The following IGF1R variants were observed in gnomAD, a reference collection of about 807,000 sequenced individuals.
IGF1R encodes insulin-like growth factor 1 receptor.
In IGF1R, 44 loss-of-function variants were observed where a neutral mutation model predicts 144.6. The ratio of observed to expected loss-of-function variants is 0.30; its 90% CI spans 0.24 to 0.39. The LOEUF is 0.39. Ranked by LOEUF, IGF1R falls within the 10% of genes least tolerant of loss-of-function variation. The pLI is 1.00. For synonymous variants in IGF1R, 795 were observed against 722.8 expected (o/e 1.10, Z -1.60); for missense variants, 1,355 against 1,833.7 (o/e 0.74, Z 4.77).
rs2017243455 is a variant in IGF1R at position 98,961,934 on chromosome 15, C to T, written c.*4492C>T. On this transcript the variant is annotated 3_prime_UTR_variant, in exon 21 of 21. Coordinates refer to ENST00000650285, the MANE Select transcript of IGF1R (RefSeq NM_000875.5). ...GCTTCGTAAAATAGAAGAGCAGTCA[C>T]TGTGGAACTACCAAATGGCGAGATG... The T allele has an allele frequency of 4.3e-6, 1 of 233,350 alleles. No individual in the cohort carries two copies. The highest frequency in any genetic ancestry group is 8.5e-6 in the Non-Finnish European group (1 of 118,062). 14.5% of individuals were successfully genotyped at this position (233,350 alleles called of 1,614,324 possible). A position where few individuals can be genotyped will look rare whatever the true frequency, so the allele number is the denominator to read the frequency against.
intron 2 of IGF1R, among the ~76,000 whole-genome samples, chr15:98,818,832 T>C (rs1032386957): frequency 1.3e-5 from 2 of 150,884 alleles, no homozygotes; most frequent in Non-Finnish European, 2.9e-5. Flanking sequence ...ACCAAAATTG[T>C]ACCCTGTTGA....
chr15:98,825,932 G>T (rs543870455), intron 2 of IGF1R, among the ~76,000 whole-genome samples: 2 of 152,242 alleles, frequency 1.3e-5, no homozygotes, highest in East Asian at 3.9e-4. Context: ...TGTGAATGTT[G>T]GGCAGATCCT....
intron 3 of IGF1R, among the ~76,000 whole-genome samples, chr15:98,892,907 C>T (rs2013999448): frequency 1.3e-5 from 2 of 152,144 alleles, no homozygotes; most frequent in African/African-American, 4.8e-5. Context: ...GTCTCAGCTC[C>T]TTGGGAGTTG....
chr15:98,784,657 G>A (rs186664924), intron 2 of IGF1R, among the ~76,000 whole-genome samples: 84 of 152,098 alleles, frequency 5.5e-4, no homozygotes, highest in African/African-American at 1.9e-3. Context: ...GTCTCCTTCA[G>A]TTCTACATCT....
chr15:98,904,205 C>G (rs1019799140), intron 5 of IGF1R, among the ~76,000 whole-genome samples: 2 of 152,088 alleles, frequency 1.3e-5, no homozygotes, highest in African/African-American at 4.8e-5. Flanking sequence ...GCGCTCACCA[C>G]CACGCCCGAC....
intron 6 of IGF1R, among the ~76,000 whole-genome samples, chr15:98,910,272 C>T (rs1277802769): frequency 6.6e-6 from 1 of 152,168 alleles, no homozygotes; most frequent in African/African-American, 2.4e-5. Context: ...CGGATGTATC[C>T]GAGTATTTCA....
At chr15:98,860,889 C>T (rs1596368720) in intron 2 of IGF1R, among the ~76,000 whole-genome samples, 2 of 152,270 alleles carry the variant, frequency 1.3e-5, no homozygotes, top group South Asian at 4.1e-4. Context: ...AGTAAATAGG[C>T]AGTAAGTGAA....
At position 98,895,020 on chromosome 15, in the gene IGF1R, C is replaced by CAAAAAA. The variant is rs368393677; in HGVS notation, c.954-1727_954-1722dup. Among the ~76,000 whole-genome samples, 3 of 112,520 alleles carry CAAAAAA rather than the reference C, an allele frequency of 2.7e-5. No homozygotes were observed. In the East Asian group the frequency reaches 6.9e-4, roughly 26 times the overall value. The allele number at this position is 112,520 out of a possible 152,430, so 73.8% of individuals were successfully genotyped here. On this transcript the variant is annotated intron_variant, in intron 3 of 20. Coordinates refer to ENST00000650285, the MANE Select transcript of IGF1R (RefSeq NM_000875.5). ...TGGGCGACAGAGTGAGACCCTGTCT[C>CAAAAAA]AAAAAAAAAAAAAAAGACAGATTGT...
intron 1 of IGF1R, among the ~76,000 whole-genome samples, chr15:98,699,969 G>A (rs1041027169): frequency 1.7e-4 from 26 of 152,162 alleles, no homozygotes; most frequent in Admixed American, 1.6e-3. Flanking sequence ...TGTGAAATGG[G>A]AATGTATATA....
intron 2 of IGF1R, among the ~76,000 whole-genome samples, chr15:98,864,638 G>A (rs2012330064): frequency 2.0e-5 from 3 of 152,104 alleles, no homozygotes; most frequent in South Asian, 4.1e-4. Flanking sequence ...TTCTCCAGTC[G>A]GCCTCCCAAA....
chr15:98,826,229 C>T lies in IGF1R; in HGVS notation c.641-65096C>T, dbSNP rs7166364. On this transcript the variant is annotated intron_variant, in intron 2 of 20. Coordinates refer to ENST00000650285, the MANE Select transcript of IGF1R (RefSeq NM_000875.5). ...TTGCACTAATACTTATGTGCATACG[C>T]TGAAATAATCTAAATATTTAAAAAC... Among the ~76,000 whole-genome samples, 657 of 152,322 alleles carry T rather than the reference C, an allele frequency of 4.3e-3. 4 individuals carry two copies. Among genetic ancestry groups the T allele is most frequent in the African/African-American group, 0.015 (610 of 41,558 alleles).
intron 2 of IGF1R, among the ~76,000 whole-genome samples, chr15:98,788,078 G>GTC: frequency 1.3e-5 from 2 of 150,932 alleles, no homozygotes; most frequent in Non-Finnish European, 1.5e-5. Context: ...GTGTGTGTGT[G>GTC]TGTGTGTGTG....
At chr15:98,818,861 C>G (rs73479764) in intron 2 of IGF1R, among the ~76,000 whole-genome samples, 5,347 of 151,790 alleles carry the variant, frequency 0.035, 316 homozygotes, top group African/African-American at 0.12. Flanking sequence ...GGACCAGAGT[C>G]ATAGCAATTT....
Position 98,942,972 on chromosome 15 carries a change from A to C in IGF1R, c.3507A>C (p.Gly1169=), listed in dbSNP as rs762320839. Residue 1169 remains glycine (G), a synonymous_variant, in exon 19 of 21, where the codon GGA becomes GGC. Transcript: ENST00000650285. ...ATGAGACAGACTATTACCGGAAAGG[A>C]GGGAAAGGGCTGCTGCCCGTGCGCT... ...DIYETDYYRK[G]GKGLLPVRWM... 3 of 1,614,136 alleles carry C rather than the reference A, an allele frequency of 1.9e-6. No individual in the cohort carries two copies. The highest frequency in any genetic ancestry group is 3.3e-5 in the Admixed American group (2 of 60,020).
chr15:98,912,592 T>A (rs937418143), intron 7 of IGF1R, among the ~76,000 whole-genome samples: 1 of 152,260 alleles, frequency 6.6e-6, no homozygotes, highest in African/African-American at 2.4e-5. Flanking sequence ...TATTATAAGA[T>A]GCTTAAGCAT....
intron 1 of IGF1R, among the ~76,000 whole-genome samples, chr15:98,674,005 T>C (rs1596168022): frequency 6.6e-6 from 1 of 152,352 alleles, no homozygotes; most frequent in East Asian, 1.9e-4. Flanking sequence ...ACAAGTTTCA[T>C]TGGCAGAGTG....
At chr15:98,745,962 G>A (rs1037231145) in intron 2 of IGF1R, among the ~76,000 whole-genome samples, 1 of 152,206 alleles carries the variant, frequency 6.6e-6, no homozygotes, top group Non-Finnish European at 1.5e-5. Flanking sequence ...TAATACGTTA[G>A]AAATAACCCA....
chr15:98,832,068 T>G (rs995078951), intron 2 of IGF1R, among the ~76,000 whole-genome samples: 1 of 152,206 alleles, frequency 6.6e-6, no homozygotes, highest in African/African-American at 2.4e-5. Flanking sequence ...GGAAATAGCC[T>G]TCATTCCTCT....
chr15:98,660,505 A>C (rs1251898047), intron 1 of IGF1R: 1 of 152,214 alleles, frequency 6.6e-6, no homozygotes, highest in Non-Finnish European at 1.5e-5. Flanking sequence ...GAGGAGCTGA[A>C]GAAACGGAAG....
Sources: allele counts gnomAD v4.1 joint callset (sites outside exome capture counted in the v4.1 genomes callset), GRCh38; gene constraint gnomAD v4.1.1; transcripts MANE v1.5; gene names NCBI Gene and HGNC (gene_info 2026-07-23, HGNC 2026-07-21).